NMNAT2: variants seen among roughly 807,000 people sequenced by gnomAD.
The protein encoded by NMNAT2 is nicotinamide/nicotinic acid mononucleotide adenylyltransferase 2.
NMNAT2 carries 11 observed loss-of-function variants against 41.6 expected under a neutral mutation model. That is an observed-to-expected ratio of 0.26 (90% CI 0.17 to 0.44). The LOEUF is 0.44. Among genes scored for constraint, NMNAT2 ranks in the 20% least tolerant of loss-of-function variants. The pLI is 1.00. For synonymous variants in NMNAT2, 148 were observed against 151.2 expected (o/e 0.98, Z 0.16); for missense variants, 288 against 407.7 (o/e 0.71, Z 2.53).
rs72731405 is a variant in NMNAT2 at position 183,253,058 on chromosome 1, A to G, written c.822-315T>C. ...ATTTAGTTATTCAAAGGATTAAATG[A>G]GTCATTATGCAAAGCACTTAGAAGA... On this transcript the variant is annotated intron_variant, in intron 10 of 10. Coordinates refer to ENST00000287713, the MANE Select transcript of NMNAT2 (RefSeq NM_015039.4). Among the ~76,000 whole-genome samples, 902 of 152,230 alleles carry G rather than the reference A, an allele frequency of 5.9e-3. 4 individuals are homozygous for G. The highest frequency in any genetic ancestry group is 0.011 in the Non-Finnish European group (739 of 68,000).
chr1:183,377,083 C>T (rs796932872), intron 1 of NMNAT2, among the ~76,000 whole-genome samples: 3 of 152,240 alleles, frequency 2.0e-5, no homozygotes, highest in African/African-American at 7.2e-5. Flanking sequence ...AAGTGCGACA[C>T]AGCTGTAGTC....
intron 1 of NMNAT2, among the ~76,000 whole-genome samples, chr1:183,388,289 T>TG (rs1284029637): frequency 6.6e-6 from 1 of 150,910 alleles, no homozygotes; most frequent in Admixed American, 6.7e-5. Context: ...CACATTTATT[T>TG]GGGGAAAAAA....
chr1:183,261,405 A>G, intron 8 of NMNAT2, 102 bp from the exon 9 acceptor site: 1 of 1,076,300 alleles, frequency 9.3e-7, no homozygotes, highest in Non-Finnish European at 1.4e-6. Context: ...TTCCACATGG[A>G]GCCCCAAGCT....
chr1:183,347,290 CA>C (rs1350812236), intron 1 of NMNAT2, among the ~76,000 whole-genome samples: 1 of 151,636 alleles, frequency 6.6e-6, no homozygotes, highest in African/African-American at 2.4e-5. Context: ...GCCATCTCTA[CA>C]AAAAAAATAG....
intron 1 of NMNAT2, among the ~76,000 whole-genome samples, chr1:183,295,550 TTTACA>T (rs1661667555): frequency 6.6e-6 from 1 of 152,162 alleles, no homozygotes; most frequent in South Asian, 2.1e-4. Context: ...TAGTCAATAG[TTTACA>T]TTAAGATTTA....
At chr1:183,294,167 A>AAAATAAAT (rs150452762) in intron 1 of NMNAT2, among the ~76,000 whole-genome samples, 2 of 152,076 alleles carry the variant, frequency 1.3e-5, no homozygotes, top group Admixed American at 1.3e-4. Flanking sequence ...TAGTATTTAA[A>AAAATAAAT]AAATAAATAA....
intron 1 of NMNAT2, among the ~76,000 whole-genome samples, chr1:183,308,530 G>A (rs116170545): frequency 0.025 from 3,748 of 152,232 alleles, 77 homozygotes; most frequent in Non-Finnish European, 0.036. Flanking sequence ...CGCATTATTC[G>A]TAAGAGTAAA....
At chr1:183,345,660 T>G (rs1385776723) in intron 1 of NMNAT2, among the ~76,000 whole-genome samples, 1 of 151,532 alleles carries the variant, frequency 6.6e-6, no homozygotes, top group Admixed American at 6.6e-5. Flanking sequence ...TTCTCAGCTT[T>G]CATAACTACA....
intron 1 of NMNAT2, among the ~76,000 whole-genome samples, chr1:183,327,464 A>C (rs949033444): frequency 6.6e-6 from 1 of 152,232 alleles, no homozygotes; most frequent in Non-Finnish European, 1.5e-5. Context: ...TCACCAATCC[A>C]GTACGCCAAA....
intron 3 of NMNAT2, among the ~76,000 whole-genome samples, chr1:183,292,483 G>A (rs1661568759): frequency 6.6e-6 from 1 of 152,218 alleles, no homozygotes; most frequent in East Asian, 1.9e-4. Context: ...TGATTTTCTG[G>A]TCATGCTTCA....
At chr1:183,366,236 T>C (rs990962820) in intron 1 of NMNAT2, among the ~76,000 whole-genome samples, 8 of 152,234 alleles carry the variant, frequency 5.3e-5, no homozygotes, top group African/African-American at 1.9e-4. Flanking sequence ...CACTCAACTT[T>C]GGGCTGTTAC....
In NMNAT2 at chr1:183,278,230, A is replaced by T. The variant is rs1300258388; in HGVS notation, c.651+323T>A. Reference sequence around the variant, plus strand: ...GAAAACAAAACACACAATAATCTTAAAAGGGCAAAGATTTTTTTTTCTCCC... The same window carrying T: ...GAAAACAAAACACACAATAATCTTATAAGGGCAAAGATTTTTTTTTCTCCC... On this transcript the variant is annotated intron_variant, in intron 8 of 10. Transcript: ENST00000287713. Among the ~76,000 whole-genome samples, 8 of 152,268 alleles carry T rather than the reference A, an allele frequency of 5.3e-5. No individual in the cohort carries two copies. In the South Asian group the frequency reaches 6.2e-4, roughly 12 times the overall value.
At chr1:183,260,322 C>T (rs1660625142) in intron 10 of NMNAT2, among the ~76,000 whole-genome samples, 2 of 152,226 alleles carry the variant, frequency 1.3e-5, no homozygotes, top group South Asian at 2.1e-4. Context: ...TAGATTCCAT[C>T]TTTGACTTCA....
At chr1:183,258,579 T>C (rs1015125596) in intron 10 of NMNAT2, among the ~76,000 whole-genome samples, 1 of 152,186 alleles carries the variant, frequency 6.6e-6, no homozygotes, top group African/African-American at 2.4e-5. Flanking sequence ...GACCTCCTTC[T>C]TGCCTAGGGA....
At chr1:183,294,789 A>AAAAAC (rs777829348) in intron 1 of NMNAT2, among the ~76,000 whole-genome samples, 31 of 152,096 alleles carry the variant, frequency 2.0e-4, no homozygotes, top group Admixed American at 3.9e-4. Context: ...GACTCCATCT[A>AAAAAC]AAAACAAAAC....
At chr1:183,309,907 T>C (rs139361634) in intron 1 of NMNAT2, among the ~76,000 whole-genome samples, 218 of 152,328 alleles carry the variant, frequency 1.4e-3, no homozygotes, top group African/African-American at 5.1e-3. Context: ...CAGTGCCCCC[T>C]GGAAGATCAG....
At chr1:183,306,582 T>C (rs1394432667) in intron 1 of NMNAT2, among the ~76,000 whole-genome samples, 1 of 152,114 alleles carries the variant, frequency 6.6e-6, no homozygotes, top group Non-Finnish European at 1.5e-5. Context: ...AATCAGCTCA[T>C]TGAAAACGTA....
intron 8 of NMNAT2, among the ~76,000 whole-genome samples, chr1:183,270,480 A>C (rs765592020): frequency 4.4e-4 from 67 of 152,032 alleles, no homozygotes; most frequent in Non-Finnish European, 6.2e-4. Context: ...GGAAACCAGT[A>C]AGGTCAGAGT....
In NMNAT2 at chr1:183,407,057, T is replaced by C. The variant is rs961769619; in HGVS notation, c.85+11126A>G. 8.9e-4 allele frequency among the ~76,000 whole-genome samples: 135 copies of C among 152,308 alleles called. 1 individual carries two copies. The highest frequency in any genetic ancestry group is 3.0e-3 in the African/African-American group (125 of 41,582). ...TGATCTCGAACTCCTGACCTCGTGA[T>C]CTGCCCGCCTCAGCCTCCCAAAGTG... On this transcript the variant is annotated intron_variant, in intron 1 of 10. Coordinates refer to ENST00000287713, the MANE Select transcript of NMNAT2 (RefSeq NM_015039.4).
Sources: allele counts gnomAD v4.1 joint callset (sites outside exome capture counted in the v4.1 genomes callset), GRCh38; gene constraint gnomAD v4.1.1; transcripts MANE v1.5; gene names NCBI Gene and HGNC (gene_info 2026-07-23, HGNC 2026-07-21).